Variants in MTUS2 observed in about 807,000 individuals in gnomAD.
The protein encoded by MTUS2 is microtubule associated scaffold protein 2.
Under a neutral mutation model 114.1 loss-of-function variants are expected in MTUS2, and 40 were observed. The ratio of observed to expected loss-of-function variants is 0.35; its 90% confidence interval spans 0.27 to 0.46. The LOEUF (loss-of-function observed/expected upper bound fraction) is 0.46, where lower values mean the gene tolerates loss of function less well. MTUS2 is among the 20% of genes least tolerant of loss of function. The probability of loss-of-function intolerance (pLI) is 1.00; values close to 1 mark genes in which losing one functional copy is unlikely to be tolerated. For synonymous variants in MTUS2, 688 were observed against 672.0 expected (o/e 1.02, Z -0.37); for missense variants, 1,679 against 1,705.4 (o/e 0.98, Z 0.27).
At chr13:29,462,473 G>A (rs1468788653) in intron 9 of MTUS2, among the ~76,000 whole-genome samples, 1 of 152,158 alleles carries the variant, frequency 6.6e-6, no homozygotes, top group African/African-American at 2.4e-5. Flanking sequence ...TGGGGCCATT[G>A]CAGTTATATG....
Position 28,907,617 on chromosome 13 carries a change from A to C in MTUS2, c.-243+67767A>C, listed in dbSNP as rs562924630. 6.0e-4 allele frequency among the ~76,000 whole-genome samples: 91 copies of C among 151,586 alleles called. 3 individuals are homozygous for C. Among genetic ancestry groups the C allele is most frequent in the African/African-American group, 2.1e-3 (88 of 41,124 alleles). On this transcript the variant is annotated intron_variant, in intron 2 of 15. Transcript: ENST00000612955. ...GGGTTGCAATCCTAGTCTCGGATAA[A>C]ACAGACTTTAAACCAACAAAGATCA...
At chr13:29,324,993 G>T (rs1175707977) in intron 7 of MTUS2, among the ~76,000 whole-genome samples, 1 of 152,136 alleles carries the variant, frequency 6.6e-6, no homozygotes, top group Non-Finnish European at 1.5e-5. Context: ...ATTTACAATT[G>T]AAAACACTTT....
chr13:29,052,749 A>G (rs988414349), intron 4 of MTUS2, among the ~76,000 whole-genome samples: 3 of 152,208 alleles, frequency 2.0e-5, no homozygotes, highest in African/African-American at 7.2e-5. Context: ...AATTATTTCA[A>G]CAACCTAAGT....
At chr13:29,179,331 A>G (rs918666648) in intron 5 of MTUS2, among the ~76,000 whole-genome samples, 3 of 152,238 alleles carry the variant, frequency 2.0e-5, no homozygotes, top group African/African-American at 7.2e-5. Context: ...GTATGATCCA[A>G]AGGAAATGTA....
At chr13:28,924,035 TC>T (rs1881193919) in intron 2 of MTUS2, among the ~76,000 whole-genome samples, 1 of 152,164 alleles carries the variant, frequency 6.6e-6, no homozygotes. Context: ...TCCCCATCAG[TC>T]CCAGTGTGGC....
chr13:29,205,408 T>A (rs1228218151), intron 5 of MTUS2, among the ~76,000 whole-genome samples: 1 of 152,128 alleles, frequency 6.6e-6, no homozygotes, highest in East Asian at 1.9e-4. Flanking sequence ...CGCTTTTGTT[T>A]ATTTTTTTAA....
chr13:29,091,633 TC>T (rs2138779633), intron 4 of MTUS2, among the ~76,000 whole-genome samples: 1 of 152,336 alleles, frequency 6.6e-6, no homozygotes, highest in South Asian at 2.1e-4. Context: ...TAACCAGTTG[TC>T]ACAGGGTAAT....
At chr13:28,825,406 C>T (rs942494067) in intron 1 of MTUS2, among the ~76,000 whole-genome samples, 8 of 152,156 alleles carry the variant, frequency 5.3e-5, no homozygotes, top group Non-Finnish European at 8.8e-5. Context: ...CGAGGAATGT[C>T]TTAATATCAG....
intron 5 of MTUS2, among the ~76,000 whole-genome samples, chr13:29,118,830 A>G (rs1179610080): frequency 6.6e-6 from 1 of 152,212 alleles, no homozygotes; most frequent in Non-Finnish European, 1.5e-5. Flanking sequence ...GACAAATCAC[A>G]TAATCCCTGT....
chr13:29,301,549 A>G (rs182698726), intron 6 of MTUS2, among the ~76,000 whole-genome samples: 13 of 152,366 alleles, frequency 8.5e-5, no homozygotes, highest in Admixed American at 4.6e-4. Context: ...GTTAGTTTCT[A>G]TCACAGAATT....
chr13:29,405,234 A>C (rs1447243139), intron 8 of MTUS2, among the ~76,000 whole-genome samples: 1 of 152,228 alleles, frequency 6.6e-6, no homozygotes, highest in Non-Finnish European at 1.5e-5. Context: ...AATTTGAATA[A>C]TCAGCACTTA....
chr13:28,819,993 G>A (rs975809029), upstream of MTUS2, among the ~76,000 whole-genome samples: 4 of 147,166 alleles, frequency 2.7e-5, no homozygotes, highest in Middle Eastern at 3.2e-3. Flanking sequence ...GGGAGGGGGT[G>A]CGCGCATCAG....
chr13:29,383,217 A>AGTGTGTGTGTGTGT (rs1297604822), intron 8 of MTUS2, among the ~76,000 whole-genome samples: 12 of 105,512 alleles, frequency 1.1e-4, no homozygotes, highest in Non-Finnish European at 2.4e-4. Flanking sequence ...AGGAAAATTG[A>AGTGTGTGTGTGTGT]GTGTGTGTGT....
intron 8 of MTUS2, among the ~76,000 whole-genome samples, chr13:29,402,616 T>TG (rs1030988247): frequency 6.6e-5 from 10 of 152,196 alleles, no homozygotes; most frequent in African/African-American, 2.2e-4. Context: ...GCAGGGCCCC[T>TG]GCTTGAATCA....
At chr13:29,347,396 T>C (rs9508388) in intron 7 of MTUS2, among the ~76,000 whole-genome samples, 3 of 146,776 alleles carry the variant, frequency 2.0e-5, no homozygotes, top group Non-Finnish European at 4.5e-5. Flanking sequence ...ATTTCCCTTT[T>C]TGATTTCTTC....
At position 29,503,246 on chromosome 13, in the gene MTUS2, T is replaced by G; in HGVS notation, c.*40T>G. 6.2e-7 allele frequency: 1 copy of G among 1,605,688 alleles called. No individual in the cohort carries two copies. The highest frequency in any genetic ancestry group is 2.2e-5 in the East Asian group (1 of 44,788). On this transcript the variant is annotated 3_prime_UTR_variant, in exon 16 of 16. Transcript: ENST00000612955. ...CTGCGGGAGCTCCGGCTTCTCGTCCTCCGGTCTCCACCCTGAGGGAGCACC... is the reference window on the plus strand; with the variant it reads ...CTGCGGGAGCTCCGGCTTCTCGTCCGCCGGTCTCCACCCTGAGGGAGCACC...
At chr13:28,944,683 T>A (rs551483875) in intron 2 of MTUS2, among the ~76,000 whole-genome samples, 1 of 152,218 alleles carries the variant, frequency 6.6e-6, no homozygotes, top group Non-Finnish European at 1.5e-5. Flanking sequence ...CCTCTTTTTA[T>A]ATTTGAAAAT....
At chr13:29,265,160 C>T (rs945016557) in intron 5 of MTUS2, among the ~76,000 whole-genome samples, 1 of 152,214 alleles carries the variant, frequency 6.6e-6, no homozygotes, top group African/African-American at 2.4e-5. Flanking sequence ...ATTTCTTCCA[C>T]CAAATTCTAT....
At chr13:29,270,138 G>A (rs1897825385) in intron 5 of MTUS2, among the ~76,000 whole-genome samples, 1 of 152,130 alleles carries the variant, frequency 6.6e-6, no homozygotes, top group South Asian at 2.1e-4. Context: ...TGCTGTACAG[G>A]TTTATGCCTC....
Sources: gnomAD v4.1 joint callset for allele counts (sites outside exome capture counted in the v4.1 genomes callset) on GRCh38, gnomAD v4.1.1 for gene constraint, MANE v1.5 for transcripts, NCBI Gene and HGNC (gene_info 2026-07-23, HGNC 2026-07-21) for gene names.